Variants in SORCS1 observed in about 807,000 individuals in gnomAD.
The protein encoded by SORCS1 is sortilin related VPS10 domain containing receptor 1.
A neutral mutation model predicts 146.1 loss-of-function variants in SORCS1; 60 were observed. That is an observed-to-expected ratio of 0.41 (90% CI 0.33 to 0.51). SORCS1 has a LOEUF of 0.51. Among genes scored for constraint, SORCS1 ranks in the 20% least tolerant of loss-of-function variants. The pLI is 0.21. For missense variants in SORCS1, 1,352 were observed against 1,487.6 expected, an observed-to-expected ratio of 0.91 and a Z score of 1.50; for synonymous variants, 637 against 584.0, an observed-to-expected ratio of 1.09 and a Z score of -1.31.
At chr10:106,989,270 A>AC (rs1956634494) in intron 1 of SORCS1, among the ~76,000 whole-genome samples, 1 of 50,664 alleles carries the variant, frequency 2.0e-5, no homozygotes, top group Non-Finnish European at 5.0e-5. Flanking sequence ...GCTCCACCTC[A>AC]GAAAAAAAAA....
At chr10:106,857,505 A>G (rs1253893773) in intron 2 of SORCS1, among the ~76,000 whole-genome samples, 1 of 152,180 alleles carries the variant, frequency 6.6e-6, no homozygotes, top group Non-Finnish European at 1.5e-5. Context: ...TCTTTCTTAA[A>G]ATCATTAAGA....
At chr10:106,666,581 G>A (rs1397657214) in intron 17 of SORCS1, among the ~76,000 whole-genome samples, 2 of 144,650 alleles carry the variant, frequency 1.4e-5, no homozygotes, top group Admixed American at 1.4e-4. Flanking sequence ...TCTTGAGACA[G>A]AGTCTTACTC....
intron 19 of SORCS1, among the ~76,000 whole-genome samples, chr10:106,628,141 G>A (rs938409583): frequency 6.6e-6 from 1 of 152,220 alleles, no homozygotes; most frequent in African/African-American, 2.4e-5. Flanking sequence ...AGGAGTGCAT[G>A]TTTCTTTGAA....
chr10:107,082,344 A>G (rs1182364307), intron 1 of SORCS1, among the ~76,000 whole-genome samples: 1 of 152,112 alleles, frequency 6.6e-6, no homozygotes, highest in Non-Finnish European at 1.5e-5. Context: ...TTGCTTTTAA[A>G]GTTTTTTGTT....
At chr10:106,852,646 AAG>A (rs1554861453) in intron 2 of SORCS1, among the ~76,000 whole-genome samples, 3 of 150,112 alleles carry the variant, frequency 2.0e-5, no homozygotes, top group South Asian at 4.3e-4. Flanking sequence ...AAAAAAAAAA[AAG>A]AAAGAAAAGA....
intron 18 of SORCS1, among the ~76,000 whole-genome samples, chr10:106,631,400 G>A (rs1440529298): frequency 6.6e-6 from 1 of 152,192 alleles, no homozygotes; most frequent in Non-Finnish European, 1.5e-5. Context: ...AAAGTGGACT[G>A]ATCAACTTCT....
At chr10:106,841,287 T>C (rs1208186747) in intron 2 of SORCS1, among the ~76,000 whole-genome samples, 1 of 151,962 alleles carries the variant, frequency 6.6e-6, no homozygotes. Context: ...CTGGGCAACA[T>C]GGTGAAACCC....
chr10:106,727,762 T>C (rs1250726930), intron 6 of SORCS1, among the ~76,000 whole-genome samples: 1 of 152,162 alleles, frequency 6.6e-6, no homozygotes, highest in East Asian at 1.9e-4. Flanking sequence ...GTCTCAACCA[T>C]CCACAGTAAT....
intron 5 of SORCS1, among the ~76,000 whole-genome samples, chr10:106,739,454 C>T (rs1241755875): frequency 1.3e-5 from 2 of 149,230 alleles, no homozygotes; most frequent in African/African-American, 2.5e-5. Context: ...CACTGCACTC[C>T]AGTCTGGGTG....
rs369507858 is a variant in SORCS1 at position 107,062,244 on chromosome 10, T to A, written c.558+101725A>T. 7.2e-5 allele frequency among the ~76,000 whole-genome samples: 11 copies of A among 152,278 alleles called. No individual in the cohort carries two copies. In the East Asian group the frequency reaches 1.9e-3, roughly 27 times the overall value. ...GACATTGAATTTAATCTCTTCTAAA[T>A]TTCATGGAAAAATACAAGCTATCCC... On this transcript the variant is annotated intron_variant, in intron 1 of 25. Transcript: ENST00000263054.
At chr10:106,886,466 C>G (rs764085636) in intron 2 of SORCS1, among the ~76,000 whole-genome samples, 36 of 152,144 alleles carry the variant, frequency 2.4e-4, no homozygotes, top group Non-Finnish European at 4.4e-4. Context: ...CACACACACT[C>G]TCTGTTATCT....
intron 9 of SORCS1, among the ~76,000 whole-genome samples, chr10:106,688,802 G>A (rs1221378805): frequency 1.3e-5 from 2 of 152,170 alleles, no homozygotes; most frequent in Non-Finnish European, 2.9e-5. Context: ...CAAACAAAGT[G>A]ACTTGCCTAA....
chr10:106,865,479 T>A (rs2137500578), intron 2 of SORCS1, among the ~76,000 whole-genome samples: 1 of 152,142 alleles, frequency 6.6e-6, no homozygotes, highest in African/African-American at 2.4e-5. Flanking sequence ...ATCCTAGCAC[T>A]TTGGGAGGCC....
chr10:106,798,374 G>A (rs1946687766), intron 3 of SORCS1, among the ~76,000 whole-genome samples: 1 of 151,950 alleles, frequency 6.6e-6, no homozygotes, highest in South Asian at 2.1e-4. Context: ...GTGTCATGTT[G>A]GTGTGCTGCA....
At chr10:106,819,125 T>C (rs745954144) in intron 3 of SORCS1, among the ~76,000 whole-genome samples, 1 of 152,140 alleles carries the variant, frequency 6.6e-6, no homozygotes, top group African/African-American at 2.4e-5. Flanking sequence ...TTAAGAAGAG[T>C]AACAATGAGA....
intron 1 of SORCS1, among the ~76,000 whole-genome samples, chr10:106,964,366 C>T (rs896453651): frequency 5.3e-5 from 8 of 152,172 alleles, no homozygotes; most frequent in Admixed American, 3.9e-4. Context: ...TGCAGTGATG[C>T]ACTCATAGCT....
At chr10:106,767,244 AT>A (rs1414477262) in intron 4 of SORCS1, among the ~76,000 whole-genome samples, 1 of 152,120 alleles carries the variant, frequency 6.6e-6, no homozygotes, top group Non-Finnish European at 1.5e-5. Context: ...CTACAGCTGG[AT>A]TTATCAAATT....
intron 2 of SORCS1, among the ~76,000 whole-genome samples, chr10:106,934,423 AT>A (rs1201802325): frequency 1.3e-5 from 2 of 150,882 alleles, no homozygotes; most frequent in East Asian, 2.0e-4. Context: ...CACCCGGCTA[AT>A]TTTTTTTTGT....
intron 3 of SORCS1, among the ~76,000 whole-genome samples, chr10:106,795,160 A>T (rs1167611405): frequency 2.6e-5 from 4 of 152,240 alleles, no homozygotes; most frequent in Non-Finnish European, 5.9e-5. Context: ...AATTTGGGGG[A>T]TACCAGAATG....
Sources: allele counts gnomAD v4.1 joint callset (sites outside exome capture counted in the v4.1 genomes callset), GRCh38; gene constraint gnomAD v4.1.1; transcripts MANE v1.5; gene names NCBI Gene and HGNC (gene_info 2026-07-23, HGNC 2026-07-21).